Variants in FRMD4B observed in about 807,000 individuals in gnomAD.
FRMD4B encodes FERM domain containing 4B, also known as FERM domain-containing protein 4B.
FRMD4B carries 74 observed loss-of-function variants against 141.5 expected under a neutral mutation model. The ratio of observed to expected loss-of-function variants is 0.52; its 90% CI spans 0.43 to 0.63. The LOEUF (loss-of-function observed/expected upper bound fraction) is 0.63, where lower values mean the gene tolerates loss of function less well. Among genes scored for constraint, FRMD4B ranks in the 30% least tolerant of loss-of-function variants. The pLI is 0.00. For synonymous variants in FRMD4B, 506 were observed against 467.9 expected (o/e 1.08, Z -1.05); for missense variants, 1,366 against 1,253.4 (o/e 1.09, Z -1.36).
intron 7 of FRMD4B, among the ~76,000 whole-genome samples, chr3:69,227,392 A>G (rs2093264629): frequency 2.0e-5 from 3 of 152,150 alleles, no homozygotes; most frequent in African/African-American, 7.2e-5. Context: ...AACCGGGTGC[A>G]GTGGCTTAGC....
chr3:69,455,000 C>CT (rs1705567357), intron 1 of FRMD4B, among the ~76,000 whole-genome samples: 1 of 152,208 alleles, frequency 6.6e-6, no homozygotes, highest in Non-Finnish European at 1.5e-5. Context: ...ACTCAGCACT[C>CT]TAAATCTAGC....
At chr3:69,527,856 A>T (rs1348036016) in intron 1 of FRMD4B, among the ~76,000 whole-genome samples, 3 of 152,212 alleles carry the variant, frequency 2.0e-5, no homozygotes, top group Non-Finnish European at 4.4e-5. Flanking sequence ...AGGTCAAAAC[A>T]ATTCACCAGT....
chr3:69,189,767 T>TA, intron 18 of FRMD4B, 129 bp downstream of exon 18: 1 of 634,064 alleles, frequency 1.6e-6, no homozygotes, highest in Non-Finnish European at 2.8e-6. Flanking sequence ...CCATTTTGCA[T>TA]AAATGTAAGT....
chr3:69,320,370 A>G (rs781221726), intron 1 of FRMD4B, among the ~76,000 whole-genome samples: 5 of 152,186 alleles, frequency 3.3e-5, no homozygotes, highest in Admixed American at 6.6e-5. Flanking sequence ...AGGCAGGAGC[A>G]TTGTTTGAGC....
intron 9 of FRMD4B, among the ~76,000 whole-genome samples, chr3:69,220,679 C>A (rs1295829658): frequency 2.0e-5 from 3 of 152,148 alleles, no homozygotes; most frequent in Non-Finnish European, 1.5e-5. Flanking sequence ...TGGGGAAACC[C>A]TGTCTCTACT....
At chr3:69,229,569 G>A (rs1004138496) in intron 7 of FRMD4B, among the ~76,000 whole-genome samples, 2 of 152,128 alleles carry the variant, frequency 1.3e-5, no homozygotes, top group Non-Finnish European at 2.9e-5. Flanking sequence ...CAGAATAATC[G>A]AAAGACGACT....
chr3:69,361,456 C>A (rs1056571195), intron 1 of FRMD4B, among the ~76,000 whole-genome samples: 3 of 152,120 alleles, frequency 2.0e-5, no homozygotes, highest in African/African-American at 7.2e-5. Context: ...ATGTTATCCA[C>A]ATCCCCCCCA....
At chr3:69,442,740 C>T (rs1234832280) in intron 1 of FRMD4B, among the ~76,000 whole-genome samples, 24 of 152,124 alleles carry the variant, frequency 1.6e-4, no homozygotes. Context: ...GATCCATGTG[C>T]CTCCACTGAA....
chr3:69,468,701 T>C (rs765568747), intron 1 of FRMD4B, among the ~76,000 whole-genome samples: 14 of 152,200 alleles, frequency 9.2e-5, no homozygotes, highest in Non-Finnish European at 1.9e-4. Context: ...TATTTGCTAC[T>C]AGTCTGAAGA....
intron 1 of FRMD4B, among the ~76,000 whole-genome samples, chr3:69,456,189 A>G (rs1289317536): frequency 2.0e-5 from 3 of 151,730 alleles, no homozygotes; most frequent in Non-Finnish European, 2.9e-5. Flanking sequence ...CTTCACAGCC[A>G]AGGTGTATGA....
At chr3:69,207,940 C>T (rs1008534740) in intron 11 of FRMD4B, among the ~76,000 whole-genome samples, 4 of 152,184 alleles carry the variant, frequency 2.6e-5, no homozygotes, top group Admixed American at 1.3e-4. Context: ...TGTGCAGTGG[C>T]GCCATCTTGG....
chr3:69,480,383 T>C (rs1706098855), intron 1 of FRMD4B, among the ~76,000 whole-genome samples: 1 of 152,194 alleles, frequency 6.6e-6, no homozygotes, highest in Admixed American at 6.5e-5. Context: ...AGATGGGTTT[T>C]TGGTGTGGAT....
intron 1 of FRMD4B, among the ~76,000 whole-genome samples, chr3:69,446,828 C>T (rs949135519): frequency 6.6e-6 from 1 of 152,056 alleles, no homozygotes; most frequent in African/African-American, 2.4e-5. Flanking sequence ...AACACAAGAC[C>T]CTTTGGAGAC....
intron 1 of FRMD4B, among the ~76,000 whole-genome samples, chr3:69,350,055 A>C (rs1003225656): frequency 6.6e-6 from 1 of 152,216 alleles, no homozygotes; most frequent in African/African-American, 2.4e-5. Context: ...AATGGGAGAA[A>C]ATTTTCACAA....
intron 19 of FRMD4B, 142 bp downstream of exon 19, chr3:69,187,628 T>C: frequency 1.7e-6 from 1 of 581,384 alleles, no homozygotes; most frequent in Non-Finnish European, 2.8e-6. Context: ...CTGGGTTAGT[T>C]TCTATGCCCC....
At chr3:69,243,982 G>T (rs142677895) in intron 7 of FRMD4B, among the ~76,000 whole-genome samples, 2,483 of 152,236 alleles carry the variant, frequency 0.016, 74 homozygotes, top group African/African-American at 0.057. Context: ...GGAGGCGGAG[G>T]TTGCTGTGAG....
intron 1 of FRMD4B, among the ~76,000 whole-genome samples, chr3:69,361,399 A>C (rs1269788943): frequency 6.6e-6 from 1 of 152,216 alleles, no homozygotes; most frequent in East Asian, 1.9e-4. Context: ...AGAAAATTAC[A>C]CTATAAATGA....
intron 1 of FRMD4B, among the ~76,000 whole-genome samples, chr3:69,540,660 T>TATACACAC (rs1241897477): frequency 4.4e-4 from 25 of 56,852 alleles, no homozygotes; most frequent in African/African-American, 2.6e-3. Flanking sequence ...TATATATATA[T>TATACACAC]ACACACACAC....
chr3:69,209,440 T>A (rs1163163572), intron 11 of FRMD4B, among the ~76,000 whole-genome samples: 1 of 152,106 alleles, frequency 6.6e-6, no homozygotes, highest in Non-Finnish European at 1.5e-5. Flanking sequence ...GAGGGGAAAA[T>A]AACCCACTCA....
Sources: allele counts gnomAD v4.1 joint callset (sites outside exome capture counted in the v4.1 genomes callset), GRCh38; gene constraint gnomAD v4.1.1; transcripts MANE v1.5; gene names NCBI Gene and HGNC (gene_info 2026-07-23, HGNC 2026-07-21).